Variants in TNRC6A observed in about 807,000 individuals in gnomAD.
TNRC6A encodes trinucleotide repeat containing adaptor 6A.
TNRC6A carries 44 observed loss-of-function variants against 221.2 expected under a neutral mutation model. That is an observed-to-expected ratio of 0.20 (90% confidence interval 0.16 to 0.26). TNRC6A has a LOEUF of 0.26. Ranked by LOEUF, TNRC6A falls within the 10% of genes least tolerant of loss-of-function variation. The probability of loss-of-function intolerance (pLI) is 1.00; values close to 1 mark genes in which losing one functional copy is unlikely to be tolerated. For synonymous variants in TNRC6A, 847 were observed against 838.5 expected (o/e 1.01, Z -0.18); for missense variants, 2,199 against 2,404.4 (o/e 0.91, Z 1.79).
At chr16:24,821,721 G>A (rs1239695751) in intron 22 of TNRC6A, 2 of 233,372 alleles carry the variant, frequency 8.6e-6, no homozygotes, top group Non-Finnish European at 8.4e-6. Context: ...GGACACACAC[G>A]CAGAGTGATC....
chr16:24,637,396 C>A (rs1418899983), intron 1 of TNRC6A, among the ~76,000 whole-genome samples: 1 of 152,180 alleles, frequency 6.6e-6, no homozygotes, highest in Admixed American at 6.6e-5. Flanking sequence ...CATGGGCATG[C>A]TGGATGCCAT....
intron 22 of TNRC6A, among the ~76,000 whole-genome samples, chr16:24,820,933 G>A (rs2058754393): frequency 6.6e-6 from 1 of 152,192 alleles, no homozygotes; most frequent in Admixed American, 6.5e-5. Flanking sequence ...GAGCCTAGCA[G>A]TTTCCCCAGT....
intron 3 of TNRC6A, among the ~76,000 whole-genome samples, chr16:24,752,773 C>T (rs1346361071): frequency 2.0e-5 from 3 of 152,048 alleles, no homozygotes; most frequent in Non-Finnish European, 4.4e-5. Context: ...TATGTAGATT[C>T]AGTAGTTTGG....
chr16:24,738,234 C>T (rs1175113349), intron 2 of TNRC6A, among the ~76,000 whole-genome samples: 1 of 152,138 alleles, frequency 6.6e-6, no homozygotes, highest in Admixed American at 6.6e-5. Context: ...CTAACTCTTC[C>T]TTCTCTGAAT....
At chr16:24,818,770 C>T (rs1301633877) in intron 21 of TNRC6A, 70 bp downstream of exon 21, 2 of 1,177,222 alleles carry the variant, frequency 1.7e-6, no homozygotes, top group African/African-American at 1.5e-5. Context: ...TTTTAATGCC[C>T]TCTTCTTTCG....
chr16:24,784,569 G>A (rs981368243), intron 5 of TNRC6A, among the ~76,000 whole-genome samples: 2 of 152,088 alleles, frequency 1.3e-5, no homozygotes, highest in Non-Finnish European at 2.9e-5. Context: ...CAATATTCCC[G>A]CCTTGGCCTC....
At position 24,823,410 on chromosome 16, in the gene TNRC6A, C is replaced by G. The variant is rs367761910; in HGVS notation, c.5514-22C>G. 1.9e-6 allele frequency: 3 copies of G among 1,589,214 alleles called. No individual in the cohort carries two copies. Among genetic ancestry groups the G allele is most frequent in the African/African-American group, 2.7e-5 (2 of 74,558 alleles). ...CTCCTGGTGTGCTGTCCTCACGTGT[C>G]CGCGGTGCCTCTCTCCTCTAGGTGT... On this transcript the variant is annotated intron_variant, in intron 24 of 24. Coordinates refer to ENST00000395799, the MANE Select transcript of TNRC6A (RefSeq NM_014494.4). The surrounding 1 kb of genome is among the most constrained non-coding windows in gnomAD (Gnocchi z 4.3).
At chr16:24,725,772 C>T (rs570669935), upstream of TNRC6A, among the ~76,000 whole-genome samples, 138 of 151,742 alleles carry the variant, frequency 9.1e-4, no homozygotes, top group African/African-American at 3.1e-3. Context: ...TAGGCCGAGG[C>T]GGGTGATCAC....
At position 24,791,811 on chromosome 16, in the gene TNRC6A, G is replaced by A; in HGVS notation, c.3169G>A (p.Gly1057Ser). Residue 1057 changes from glycine to serine, a missense_variant, in exon 6 of 25, where the codon GGC (glycine) becomes AGC (serine). Physicochemically the swap from Gly to Ser is moderately conservative, Grantham distance 56. This residue lies in a region of TNRC6A where 1,405 missense variants were observed against 1,400.2 expected (regional missense o/e 1.00). Transcript: ENST00000395799. The part of the protein sequence containing the change: ...SAISNKEASS[G>S]SGWGEPWGEP... ...CATCTCAAACAAAGAGGCAAGCAGT[G>A]GCTCTGGTAAGTTTCTATTTTATGA... 1.3e-6 allele frequency: 2 copies of A among 1,530,928 alleles called. No homozygotes were observed. The highest frequency in any genetic ancestry group is 2.3e-5 in the Admixed American group (1 of 44,192). The allele number at this position is 1,530,928 out of a possible 1,614,324, so 94.8% of individuals were successfully genotyped here. A position where few individuals can be genotyped will look rare whatever the true frequency, so the allele number is the denominator to read the frequency against.
chr16:24,767,080 A>C (rs1248829493), intron 4 of TNRC6A, among the ~76,000 whole-genome samples: 1 of 152,008 alleles, frequency 6.6e-6, no homozygotes, highest in Non-Finnish European at 1.5e-5. Flanking sequence ...TGTATAATAA[A>C]CTCATTAACA....
At chr16:24,721,555 C>T (rs1042448860) in intron 2 of TNRC6A, among the ~76,000 whole-genome samples, 68 of 151,914 alleles carry the variant, frequency 4.5e-4, no homozygotes, top group Non-Finnish European at 2.9e-5. Flanking sequence ...CCTGTAATCC[C>T]AGCACTTTGG....
intron 18 of TNRC6A, among the ~76,000 whole-genome samples, chr16:24,814,941 A>T (rs1466554817): frequency 6.6e-6 from 1 of 152,196 alleles, no homozygotes; most frequent in Non-Finnish European, 1.5e-5. Flanking sequence ...TATGCATCTC[A>T]TAAACTTAAA....
intron 1 of TNRC6A, among the ~76,000 whole-genome samples, chr16:24,621,462 G>A (rs1035247191): frequency 1.1e-4 from 17 of 150,692 alleles, no homozygotes; most frequent in East Asian, 3.9e-4. Context: ...AGGTTCAAGC[G>A]GTTCTTGTGC....
chr16:24,700,457 G>A (rs568379147), intron 2 of TNRC6A, among the ~76,000 whole-genome samples: 6 of 151,994 alleles, frequency 3.9e-5, no homozygotes, highest in Admixed American at 2.0e-4. Flanking sequence ...CTGGTCTTAC[G>A]AACTCCTAAC....
intron 2 of TNRC6A, among the ~76,000 whole-genome samples, chr16:24,700,258 CAG>C (rs1298955929): frequency 6.6e-6 from 1 of 151,408 alleles, no homozygotes; most frequent in Non-Finnish European, 1.5e-5. Context: ...TTTTTTGAGA[CAG>C]AGTCTCACTC....
intron 2 of TNRC6A, among the ~76,000 whole-genome samples, chr16:24,704,058 G>A (rs2056042267): frequency 6.6e-6 from 1 of 150,754 alleles, no homozygotes; most frequent in Non-Finnish European, 1.5e-5. Flanking sequence ...CACCCAGCCT[G>A]GGTGATGGAA....
At chr16:24,672,897 G>C (rs570433329) in intron 2 of TNRC6A, among the ~76,000 whole-genome samples, 1 of 152,174 alleles carries the variant, frequency 6.6e-6, no homozygotes, top group African/African-American at 2.4e-5. Flanking sequence ...GTTCATCATT[G>C]TGTCATCAAT....
At chr16:24,710,136 A>T (rs531478657) in intron 2 of TNRC6A, among the ~76,000 whole-genome samples, 3 of 151,724 alleles carry the variant, frequency 2.0e-5, no homozygotes, top group African/African-American at 7.3e-5. Flanking sequence ...GACTCAGGAG[A>T]ATCCCTTGAA....
intron 1 of TNRC6A, 46 bp from the exon 2 acceptor site, chr16:24,730,207 G>C (rs1468548577): frequency 1.3e-6 from 2 of 1,532,828 alleles, no homozygotes; most frequent in East Asian, 5.0e-5. Context: ...TCTCGTTTTT[G>C]TGTGTGTGTT....
Sources: allele counts gnomAD v4.1 joint callset (sites outside exome capture counted in the v4.1 genomes callset), GRCh38; gene constraint gnomAD v4.1.1; regional missense constraint gnomAD v4.1.1; non-coding constraint Gnocchi (gnomAD v3.1); transcripts MANE v1.5; gene names NCBI Gene and HGNC (gene_info 2026-07-23, HGNC 2026-07-21).